The following ULK4 variants were observed in gnomAD, a reference collection of about 807,000 sequenced individuals.
ULK4 encodes inactive serine/threonine-protein kinase ULK4.
In ULK4, 133 loss-of-function variants were observed where a neutral mutation model predicts 160.6. The observed-to-expected ratio is 0.83, with a 90% CI of 0.72 to 0.96. The LOEUF is 0.96. Ranked by LOEUF, ULK4 falls within the 40% of genes least tolerant of loss-of-function variation. ULK4 has a pLI of 0.00. For missense variants in ULK4, 1,580 were observed against 1,499.5 expected (o/e 1.05, Z -0.89); for synonymous variants, 534 against 539.8 (o/e 0.99, Z 0.15).
At chr3:41,832,832 A>T (rs112225416) in intron 18 of ULK4, among the ~76,000 whole-genome samples, 18,561 of 152,150 alleles carry the variant, frequency 0.12, 1,324 homozygotes, top group Middle Eastern at 0.27. Flanking sequence ...TTTGTTGAAA[A>T]TCAGATGGTT....
chr3:41,835,726 A>G, intron 18 of ULK4, 138 bp downstream of exon 18: 1 of 553,140 alleles, frequency 1.8e-6, no homozygotes, highest in Non-Finnish European at 3.2e-6. Context: ...TCTCTCCCCA[A>G]GAGGTAAAAT....
intron 21 of ULK4, among the ~76,000 whole-genome samples, chr3:41,786,911 G>C (rs193022991): frequency 2.0e-5 from 3 of 152,248 alleles, no homozygotes; most frequent in Admixed American, 1.3e-4. Flanking sequence ...CATTCACTGA[G>C]TTGTCTTTTT....
Position 41,705,171 on chromosome 3 carries a change from T to C in ULK4, c.2687-20A>G. The C allele has an allele frequency of 6.2e-7, 1 of 1,609,082 alleles. No individual in the cohort carries two copies. Among genetic ancestry groups the C allele is most frequent in the East Asian group, 2.2e-5 (1 of 44,842 alleles). ...TCAGTCCTAGAAATACAGTTAATTA[T>C]TATAGGTGTTTATTTACATGTTCTA... On this transcript the variant is annotated intron_variant, in intron 26 of 36. Coordinates refer to ENST00000301831, the MANE Select transcript of ULK4 (RefSeq NM_017886.4).
intron 35 of ULK4, among the ~76,000 whole-genome samples, chr3:41,333,061 A>G (rs899832473): frequency 1.3e-5 from 2 of 152,242 alleles, no homozygotes; most frequent in Non-Finnish European, 2.9e-5. Context: ...ATGCAAAGCC[A>G]TGATAAACCC....
intron 33 of ULK4, among the ~76,000 whole-genome samples, chr3:41,457,469 C>T (rs555243673): frequency 2.0e-5 from 3 of 152,288 alleles, no homozygotes; most frequent in Non-Finnish European, 4.4e-5. Flanking sequence ...TACAGCTTTG[C>T]ACAACAGAGA....
intron 31 of ULK4, among the ~76,000 whole-genome samples, chr3:41,583,166 G>C (rs747752908): frequency 6.6e-6 from 1 of 152,046 alleles, no homozygotes; most frequent in Non-Finnish European, 1.5e-5. Context: ...TCAGAGCTGC[G>C]GTGTGGCAGG....
intron 35 of ULK4, among the ~76,000 whole-genome samples, chr3:41,317,181 T>C (rs917627683): frequency 4.7e-4 from 70 of 147,392 alleles, no homozygotes; most frequent in African/African-American, 1.6e-3. Context: ...GTTCACGCCA[T>C]TCTCCTGCCT....
At chr3:41,466,305 C>T (rs887165850) in intron 32 of ULK4, among the ~76,000 whole-genome samples, 9 of 152,090 alleles carry the variant, frequency 5.9e-5, no homozygotes, top group Non-Finnish European at 7.4e-5. Flanking sequence ...ATTCAGTAAA[C>T]GGAGATAGTA....
At chr3:41,796,585 C>CT (rs1344482757) in intron 20 of ULK4, among the ~76,000 whole-genome samples, 3 of 151,864 alleles carry the variant, frequency 2.0e-5, no homozygotes, top group African/African-American at 7.3e-5. Context: ...GAGCAACACT[C>CT]TGTCTTGAGG....
intron 31 of ULK4, among the ~76,000 whole-genome samples, chr3:41,574,196 A>C (rs1440132379): frequency 6.6e-6 from 1 of 152,172 alleles, no homozygotes; most frequent in Non-Finnish European, 1.5e-5. Flanking sequence ...ACAAACAAAC[A>C]AACAAACAAA....
chr3:41,956,172 T>C (rs1661915510), intron 1 of ULK4, among the ~76,000 whole-genome samples: 1 of 152,204 alleles, frequency 6.6e-6, no homozygotes, highest in Admixed American at 6.5e-5. Context: ...ACTTTGTAAC[T>C]TCACCTTAGC....
chr3:41,557,355 T>C (rs1280497493), intron 32 of ULK4, among the ~76,000 whole-genome samples: 2 of 151,884 alleles, frequency 1.3e-5, no homozygotes, highest in African/African-American at 4.8e-5. Context: ...TTTACAATTA[T>C]TATATGACTG....
chr3:41,670,192 C>G (rs1183243688), intron 29 of ULK4, among the ~76,000 whole-genome samples: 1 of 152,110 alleles, frequency 6.6e-6, no homozygotes, highest in African/African-American at 2.4e-5. Context: ...AAAGAGCAGG[C>G]TGCCAAACAG....
rs139813582 is a variant in ULK4, at chr3:41,373,964, A to G, written c.3678+24115T>C. ...AAATGATAAAGGGCATATCACCACT[A>G]ATCCCACAGAAATACAAACTACCAT... On this transcript the variant is annotated intron_variant, in intron 35 of 36. Coordinates refer to ENST00000301831, the MANE Select transcript of ULK4 (RefSeq NM_017886.4). 2.9e-3 allele frequency among the ~76,000 whole-genome samples: 438 copies of G among 152,244 alleles called. 1 individual carries two copies. Among genetic ancestry groups the G allele is most frequent in the East Asian group, 0.015 (75 of 5,162 alleles).
chr3:41,825,476 T>C (rs1190200212), intron 18 of ULK4, among the ~76,000 whole-genome samples: 1 of 152,176 alleles, frequency 6.6e-6, no homozygotes, highest in Non-Finnish European at 1.5e-5. Flanking sequence ...AAGGACCTGA[T>C]GGAGCTGAAA....
chr3:41,365,168 G>C (rs1221265361), intron 35 of ULK4, among the ~76,000 whole-genome samples: 1 of 152,156 alleles, frequency 6.6e-6, no homozygotes, highest in Non-Finnish European at 1.5e-5. Context: ...CTCAATATCT[G>C]GTGTGGAAAA....
In ULK4 at chr3:41,343,879, T is replaced by G. The variant is rs867214858; in HGVS notation, c.3678+54200A>C. Among the ~76,000 whole-genome samples the G allele has an allele frequency of 1.1e-4, 17 of 152,318 alleles. No homozygotes were observed. The Middle Eastern group carries it at 0.014, about 122-fold the overall frequency. On this transcript the variant is annotated intron_variant, in intron 35 of 36. Transcript: ENST00000301831. The stretch of plus-strand genomic sequence containing the variant: ...CATGAACAAATGAAGAAGCATTCCA[T>G]GCTCATGGATAGGAAGAATCAATAT...
At chr3:41,660,140 A>G (rs1271629913) in intron 30 of ULK4, among the ~76,000 whole-genome samples, 1 of 152,008 alleles carries the variant, frequency 6.6e-6, no homozygotes, top group Non-Finnish European at 1.5e-5. Context: ...AAAATACAAA[A>G]ACAAATTAGT....
At chr3:41,621,650 C>T (rs1379635462) in intron 30 of ULK4, among the ~76,000 whole-genome samples, 1 of 152,100 alleles carries the variant, frequency 6.6e-6, no homozygotes, top group Non-Finnish European at 1.5e-5. Flanking sequence ...AAACCCAAAA[C>T]CATAAAAATC....
Sources: allele counts gnomAD v4.1 joint callset (sites outside exome capture counted in the v4.1 genomes callset), GRCh38; gene constraint gnomAD v4.1.1; transcripts MANE v1.5; gene names NCBI Gene and HGNC (gene_info 2026-07-23, HGNC 2026-07-21).